Variants in SIRPG observed in about 807,000 individuals in gnomAD.
SIRPG encodes the protein signal-regulatory protein gamma.
In SIRPG, 38 loss-of-function variants were observed where a neutral mutation model predicts 35.7. That is an observed-to-expected ratio of 1.06 (90% CI 0.82 to 1.40). SIRPG has a LOEUF of 1.40. SIRPG is among the 40% of genes most tolerant of loss of function. The probability of loss-of-function intolerance (pLI) is 0.00; values close to 1 mark genes in which losing one functional copy is unlikely to be tolerated. For missense variants in SIRPG, 519 were observed against 483.0 expected (o/e 1.07, Z -0.70); for synonymous variants, 215 against 190.4 (o/e 1.13, Z -1.06).
At chr20:1,660,805 A>T (rs1197148105), upstream of SIRPG, among the ~76,000 whole-genome samples, 1 of 152,184 alleles carries the variant, frequency 6.6e-6, no homozygotes, top group Non-Finnish European at 1.5e-5. Flanking sequence ...TTTGGGACAC[A>T]TGAGAAACTG....
intron 2 of SIRPG, among the ~76,000 whole-genome samples, chr20:1,636,756 C>G (rs2091806594): frequency 6.6e-6 from 1 of 151,926 alleles, no homozygotes; most frequent in Non-Finnish European, 1.5e-5. Context: ...AAGTCCTCCT[C>G]TCCACATAGG....
the SIRPG span, among the ~76,000 whole-genome samples, chr20:1,676,343 C>A: frequency 1.3e-5 from 2 of 152,342 alleles, no homozygotes; most frequent in East Asian, 3.9e-4. Context: ...AGGTCACCCA[C>A]TGCAGGGTTC....
At chr20:1,646,188 G>A (rs190112283) in intron 2 of SIRPG, 19 of 152,274 alleles carry the variant, frequency 1.2e-4, no homozygotes, top group African/African-American at 4.1e-4. Context: ...CTGAATTCTT[G>A]AGCCCCAACA....
upstream of SIRPG, among the ~76,000 whole-genome samples, chr20:1,661,923 G>A (rs1242098650): frequency 1.3e-5 from 2 of 152,182 alleles, no homozygotes; most frequent in East Asian, 1.9e-4. Context: ...CAGACCAAGA[G>A]GGCTCTGTAG....
At chr20:1,663,037 GGCGCGGTAGCTCAC>G in the SIRPG span, among the ~76,000 whole-genome samples, 9 of 151,862 alleles carry the variant, frequency 5.9e-5, no homozygotes, top group East Asian at 1.5e-3. Flanking sequence ...ATCATGGCCC[GGCGCGGTAGCTCAC>G]GCCTGTAATC....
chr20:1,642,353 G>T (rs6110757), intron 2 of SIRPG, among the ~76,000 whole-genome samples: 3,302 of 152,140 alleles, frequency 0.022, 112 homozygotes, highest in African/African-American at 0.075. Flanking sequence ...GATCTTTGTT[G>T]GTTTAAAGTT....
At chr20:1,629,979 C>T (rs2091735630) in intron 5 of SIRPG, among the ~76,000 whole-genome samples, 1 of 152,208 alleles carries the variant, frequency 6.6e-6, no homozygotes, top group Non-Finnish European at 1.5e-5. Context: ...TCATCACTGC[C>T]TCCATGAAAC....
At position 1,635,497 on chromosome 20, in the gene SIRPG, G is replaced by A. The variant is rs547549347; in HGVS notation, c.851C>T (p.Thr284Ile). Residue 284 changes from threonine to isoleucine, a missense_variant, in exon 4 of 6, where the codon ACC becomes ATC. Thr to Ile is a moderately conservative substitution (Grantham distance 89, BLOSUM62 -1). Coordinates refer to ENST00000303415, the MANE Select transcript of SIRPG (RefSeq NM_018556.4). ...RKFYPQSLQL[T>I]WSENGNVCQR... is the part of the protein sequence containing the mutation. ...GCACACGTTTCCATTCTCCGACCAG[G>A]TCAGCTGTAGGCTCTGGGGGTAGAA... is the stretch of plus-strand genomic sequence containing the variant. 1.9e-6 allele frequency: 3 copies of A among 1,614,116 alleles called. No individual in the cohort carries two copies. The Admixed American group carries it at 5.0e-5, about 27-fold the overall frequency.
rs758657511 is a variant in SIRPG at position 1,636,500 on chromosome 20, G to T, written c.436C>A (p.Pro146Thr). The change falls in exon 3 of 6, where the codon CCC (proline) becomes ACC (threonine). Residue 146 changes from proline (P) to threonine (T), a missense_variant. Coordinates refer to ENST00000303415, the MANE Select transcript of SIRPG (RefSeq NM_018556.4). ...PGTEMALGAKPSAPVVLGPAA... is the reference protein window; with the variant it reads ...PGTEMALGAKTSAPVVLGPAA... ...GGGCCCAATACCACGGGGGCAGAGG[G>T]TTTGGCTACAAAAGGGGCATCGATA... is the stretch of plus-strand genomic sequence containing the variant. The T allele has an allele frequency of 6.2e-7, 1 of 1,614,058 alleles. No homozygotes were observed. Among genetic ancestry groups the T allele is most frequent in the African/African-American group, 1.3e-5 (1 of 75,068 alleles).
chr20:1,630,605 C>T, intron 4 of SIRPG: 1 of 328,196 alleles, frequency 3.0e-6, no homozygotes, highest in South Asian at 3.5e-5. Flanking sequence ...CCTCACAAGC[C>T]TATGGGAGCA....
the SIRPG span, among the ~76,000 whole-genome samples, chr20:1,667,305 G>C: frequency 1.3e-5 from 2 of 152,188 alleles, no homozygotes; most frequent in Non-Finnish European, 2.9e-5. Flanking sequence ...CATACCATAT[G>C]GCCTAGGTGT....
upstream of SIRPG, among the ~76,000 whole-genome samples, chr20:1,658,472 G>A (rs1250136822): frequency 6.6e-6 from 1 of 152,020 alleles, no homozygotes; most frequent in Non-Finnish European, 1.5e-5. Flanking sequence ...TGGGGCCGTC[G>A]CATCAATTTC....
the SIRPG span, chr20:1,666,321 A>T: frequency 1.3e-5 from 2 of 152,256 alleles, no homozygotes; most frequent in African/African-American, 2.4e-5. Flanking sequence ...ATTATTGAAC[A>T]AGGCAAAATA....
intron 3 of SIRPG, 85 bp from the exon 4 acceptor site, chr20:1,635,684 G>A (rs914702023): frequency 7.2e-7 from 1 of 1,392,362 alleles, no homozygotes; most frequent in South Asian, 1.3e-5. Context: ...CCACTACCAC[G>A]GTGAGGGCAT....
intron 2 of SIRPG, chr20:1,646,087 A>G (rs1237237010): frequency 4.6e-5 from 7 of 152,220 alleles, no homozygotes; most frequent in Non-Finnish European, 1.0e-4. Context: ...GCTGGGAGAA[A>G]TGAAGGCACT....
At chr20:1,651,670 T>C (rs1445808588) in intron 1 of SIRPG, among the ~76,000 whole-genome samples, 1 of 152,112 alleles carries the variant, frequency 6.6e-6, no homozygotes, top group Non-Finnish European at 1.5e-5. Flanking sequence ...AGATGCACTT[T>C]GACTGTTCAT....
chr20:1,663,787 C>T, the SIRPG span, among the ~76,000 whole-genome samples: 1 of 152,234 alleles, frequency 6.6e-6, no homozygotes, highest in East Asian at 1.9e-4. Flanking sequence ...AGGAAAGTTG[C>T]AGATTGTCAG....
At chr20:1,637,959 T>C (rs2091817936) in intron 2 of SIRPG, among the ~76,000 whole-genome samples, 1 of 152,200 alleles carries the variant, frequency 6.6e-6, no homozygotes, top group Admixed American at 6.5e-5. Flanking sequence ...ATATTAGGCA[T>C]ACTTGCATTT....
intron 2 of SIRPG, among the ~76,000 whole-genome samples, chr20:1,639,328 T>A (rs2091831838): frequency 6.6e-6 from 1 of 152,224 alleles, no homozygotes. Flanking sequence ...TGGCATGAGA[T>A]GGTATCTCAT....
Sources: gnomAD v4.1 joint callset for allele counts (sites outside exome capture counted in the v4.1 genomes callset) on GRCh38, gnomAD v4.1.1 for gene constraint, MANE v1.5 for transcripts, NCBI Gene and HGNC (gene_info 2026-07-23, HGNC 2026-07-21) for gene names.